Variants in IRF6 observed in about 807,000 individuals in gnomAD.
The protein encoded by IRF6 is interferon regulatory factor 6.
In IRF6, 6 loss-of-function variants were observed where a neutral mutation model predicts 51.4. The observed-to-expected ratio is 0.12, with a 90% CI of 0.06 to 0.23. The LOEUF (loss-of-function observed/expected upper bound fraction) is 0.23, where lower values mean the gene tolerates loss of function less well. Among genes scored for constraint, IRF6 ranks in the 10% least tolerant of loss-of-function variants. The pLI is 1.00. For missense variants in IRF6, 348 were observed against 585.2 expected (o/e 0.59, Z 4.18); for synonymous variants, 178 against 215.7 (o/e 0.83, Z 1.53).
chr1:209,795,312 G>A lies in IRF6; in HGVS notation c.486C>T (p.Thr162=). The A allele has an allele frequency of 6.2e-7, 1 of 1,614,230 alleles. No homozygotes were observed. Among genetic ancestry groups the A allele is most frequent in the East Asian group, 2.2e-5 (1 of 44,888 alleles). ...QSQHHVPIQD[T]FPFLNINGSP... ...CACCATTGATGTTCAGGAAGGGGAA[G>A]GTGTCCTGGATGGGAACATGGTGCT... is the stretch of plus-strand genomic sequence containing the variant. The change falls in exon 5 of 9, where the codon ACC becomes ACT. Residue 162 remains threonine, a synonymous_variant. Coordinates refer to ENST00000367021, the MANE Select transcript of IRF6 (RefSeq NM_006147.4).
At chr1:209,805,633 C>A (rs1436229979) in intron 1 of IRF6, among the ~76,000 whole-genome samples, 1 of 152,162 alleles carries the variant, frequency 6.6e-6, no homozygotes. Flanking sequence ...CTGAAGGGGG[C>A]GCGGTGCTTT....
At chr1:209,800,578 G>A (rs545420582) in intron 3 of IRF6, among the ~76,000 whole-genome samples, 15 of 152,160 alleles carry the variant, frequency 9.9e-5, no homozygotes, top group East Asian at 5.8e-4. Context: ...GCAACATGGT[G>A]AAACCCCGTC....
chr1:209,792,760 A>G (rs570082654), intron 5 of IRF6: 2 of 351,372 alleles, frequency 5.7e-6, no homozygotes, highest in South Asian at 3.3e-5. Context: ...CAGCAATTAA[A>G]TAGAAGCTGG....
At chr1:209,800,803 T>C (rs1234560069) in intron 3 of IRF6, among the ~76,000 whole-genome samples, 1 of 152,098 alleles carries the variant, frequency 6.6e-6, no homozygotes, top group Non-Finnish European at 1.5e-5. Flanking sequence ...GAGCCCTCTA[T>C]ACCAATCACA....
intron 1 of IRF6, among the ~76,000 whole-genome samples, chr1:209,804,160 T>C (rs1462130783): frequency 4.6e-5 from 7 of 152,330 alleles, no homozygotes; most frequent in Non-Finnish European, 1.0e-4. Context: ...AAGACATTTC[T>C]TATGAAGGAT....
Position 209,786,380 on chromosome 1 carries a change from C to G in IRF6, c.*2040G>C, listed in dbSNP as rs1042010116. On this transcript the variant is annotated 3_prime_UTR_variant, in exon 9 of 9. Coordinates refer to ENST00000367021, the MANE Select transcript of IRF6 (RefSeq NM_006147.4). ...GCATTTCTTGGCACTTTTCCAATACCCTTTACCAGCTCACATTATCTGGGC... is the reference window on the plus strand; with the variant it reads ...GCATTTCTTGGCACTTTTCCAATACGCTTTACCAGCTCACATTATCTGGGC... The G allele has an allele frequency of 6.6e-6, 1 of 152,120 alleles. No homozygotes were observed. The highest frequency in any genetic ancestry group is 6.5e-5 in the Admixed American group (1 of 15,268). 9.4% of individuals were successfully genotyped at this position (152,120 alleles called of 1,614,324 possible).
rs113569623 is a variant in IRF6 at position 209,796,634 on chromosome 1, A to C, written c.175-82T>G. The C allele has an allele frequency of 3.1e-4, 184 of 586,770 alleles. No homozygotes were observed. The highest frequency in any genetic ancestry group is 9.4e-4 in the Middle Eastern group (2 of 2,124). The allele number at this position is 586,770 out of a possible 1,614,324, so 36.3% of individuals were successfully genotyped here. A position where few individuals can be genotyped will look rare whatever the true frequency, so the allele number is the denominator to read the frequency against. ...GTGCTTACCCTTTCTCATAGACACAAACACACACACACACACACACACACA... is the reference window on the plus strand; with the variant it reads ...GTGCTTACCCTTTCTCATAGACACACACACACACACACACACACACACACA... On this transcript the variant is annotated intron_variant, in intron 3 of 8. Transcript: ENST00000367021. This position sits in a 1 kb window ranked among gnomAD's most constrained non-coding sequence, Gnocchi z 4.5.
intron 1 of IRF6, among the ~76,000 whole-genome samples, chr1:209,804,658 T>TA (rs1426305464): frequency 6.6e-6 from 1 of 152,156 alleles, no homozygotes; most frequent in Non-Finnish European, 1.5e-5. Context: ...CTAACCTATC[T>TA]ATTCCCCTCA....
chr1:209,805,341 C>T (rs2077967208), intron 1 of IRF6, among the ~76,000 whole-genome samples: 1 of 152,204 alleles, frequency 6.6e-6, no homozygotes, highest in Admixed American at 6.5e-5. Context: ...CACCCTCCAG[C>T]CCCTTCGGGC....
At chr1:209,798,908 CAAAAAAAA>C (rs61182544) in intron 3 of IRF6, among the ~76,000 whole-genome samples, 104 of 99,070 alleles carry the variant, frequency 1.0e-3, no homozygotes, top group South Asian at 9.6e-3. Flanking sequence ...GACTCTGTCT[CAAAAAAAA>C]AAAAAAAAAA....
rs1231354410 is a variant in IRF6 at position 209,790,274 on chromosome 1, G to A, written c.1060+221C>T. Reference sequence around the variant, plus strand: ...AGGAGCCACAACCAACTTAAAAATAGCTTCCAAGTACATAGCTTTGGAGTG... The same window carrying A: ...AGGAGCCACAACCAACTTAAAAATAACTTCCAAGTACATAGCTTTGGAGTG... On this transcript the variant is annotated intron_variant, in intron 7 of 8. Transcript: ENST00000367021. This position sits in a 1 kb window ranked among gnomAD's most constrained non-coding sequence, Gnocchi z 4.8. 6.6e-6 allele frequency among the ~76,000 whole-genome samples: 1 copy of A among 152,238 alleles called. No individual in the cohort carries two copies. The highest frequency in any genetic ancestry group is 1.5e-5 in the Non-Finnish European group (1 of 68,042).
intron 6 of IRF6, among the ~76,000 whole-genome samples, chr1:209,791,232 G>C (rs939321780): frequency 6.6e-6 from 1 of 152,136 alleles, no homozygotes; most frequent in Non-Finnish European, 1.5e-5. Flanking sequence ...TAAAAACTAA[G>C]GTATCTTGTT....
Position 209,796,342 on chromosome 1 carries a change from C to T in IRF6, c.379+6G>A. 1 of 1,613,420 alleles carries T rather than the reference C, an allele frequency of 6.2e-7. No individual in the cohort carries two copies. Among genetic ancestry groups the T allele is most frequent in the Non-Finnish European group, 8.5e-7 (1 of 1,179,704 alleles). Reference sequence around the variant, plus strand: ...CCCACCTTCTCCCCAGCACCTGGGGCCTCACCTGGGTTAATGATCGAGCCC... The same window carrying T: ...CCCACCTTCTCCCCAGCACCTGGGGTCTCACCTGGGTTAATGATCGAGCCC... On this transcript the variant is annotated splice_donor_region_variant and intron_variant, in intron 4 of 8. Transcript: ENST00000367021. This position sits in a 1 kb window ranked among gnomAD's most constrained non-coding sequence, Gnocchi z 4.5.
At chr1:209,801,673 A>G (rs544020178) in intron 2 of IRF6, among the ~76,000 whole-genome samples, 82 of 152,356 alleles carry the variant, frequency 5.4e-4, no homozygotes, top group Middle Eastern at 3.4e-3. Flanking sequence ...CATTTCTTCT[A>G]TTTAAATCCT....
chr1:209,799,415 T>G (rs2077925735), intron 3 of IRF6, among the ~76,000 whole-genome samples: 1 of 152,152 alleles, frequency 6.6e-6, no homozygotes, highest in Non-Finnish European at 1.5e-5. Flanking sequence ...AGGTAATACC[T>G]CCCTTACAGG....
In IRF6 at chr1:209,789,658, TC is replaced by T. The variant is rs1468465864; in HGVS notation, c.1179+8del. 1 of 1,590,558 alleles carries T rather than the reference TC, an allele frequency of 6.3e-7. No homozygotes were observed. Among genetic ancestry groups the T allele is most frequent in the East Asian group, 2.2e-5 (1 of 44,762 alleles). ...ATGAAGAGTTGTTGACACAGCCTTA[TC>T]TTCTCACCTGAACCAAGATGAGTTT... On this transcript the variant is annotated splice_region_variant and intron_variant, in intron 8 of 8. Transcript: ENST00000367021.
At chr1:209,798,730 G>A (rs2005982) in intron 3 of IRF6, among the ~76,000 whole-genome samples, 96,311 of 151,764 alleles carry the variant, frequency 0.63, 30,948 homozygotes, top group African/African-American at 0.72. Context: ...CCAACGTGGT[G>A]AAACCCCGTC....
chr1:209,793,592 A>G (rs2077882305), intron 5 of IRF6, among the ~76,000 whole-genome samples: 1 of 152,170 alleles, frequency 6.6e-6, no homozygotes. Context: ...TTTTAGTTTC[A>G]GGGATACATG....
At chr1:209,789,517 C>T in intron 8 of IRF6, 150 bp downstream of exon 8, 1 of 720,160 alleles carries the variant, frequency 1.4e-6, no homozygotes, top group South Asian at 1.4e-5. Flanking sequence ...CAGCATGAGT[C>T]CTACTGCACA....
Sources: allele counts gnomAD v4.1 joint callset (sites outside exome capture counted in the v4.1 genomes callset), GRCh38; gene constraint gnomAD v4.1.1; non-coding constraint Gnocchi (gnomAD v3.1); transcripts MANE v1.5; gene names NCBI Gene and HGNC (gene_info 2026-07-23, HGNC 2026-07-21).